KDSR: variants seen among roughly 807,000 people sequenced by gnomAD.
KDSR encodes the protein 3-ketodihydrosphingosine reductase, also known as 3-dehydrosphinganine reductase.
A neutral mutation model predicts 41.3 loss-of-function variants in KDSR; 23 were observed. The observed-to-expected ratio is 0.56, with a 90% CI of 0.40 to 0.79. The LOEUF (loss-of-function observed/expected upper bound fraction) is 0.79. KDSR is among the 30% of genes least tolerant of loss of function. KDSR has a pLI of 0.00. For missense variants in KDSR, 351 were observed against 416.8 expected, an observed-to-expected ratio of 0.84 and a Z score of 1.37; for synonymous variants, 138 against 151.7, an observed-to-expected ratio of 0.91 and a Z score of 0.66.
intron 6 of KDSR, among the ~76,000 whole-genome samples, chr18:63,347,763 T>G (rs1193042199): frequency 6.6e-6 from 1 of 152,018 alleles, no homozygotes; most frequent in African/African-American, 2.4e-5. Flanking sequence ...TACCACATCT[T>G]TAGCTATAAC....
chr18:63,338,707 A>G lies in KDSR; in HGVS notation c.777+93T>C, dbSNP rs140763153. ...TCTGACAGACTAAAAAATTCTAATA[A>G]TTGATGTTTTGAAGTAAGTCCTTGG... On this transcript the variant is annotated intron_variant, in intron 8 of 9. Coordinates refer to ENST00000645214, the MANE Select transcript of KDSR (RefSeq NM_002035.4). The G allele has an allele frequency of 5.5e-4, 459 of 834,668 alleles. 1 individual carries two copies. The African/African-American group carries it at 7.3e-3, about 13-fold the overall frequency. The allele number at this position is 834,668 out of a possible 1,614,324, so 51.7% of individuals were successfully genotyped here. A position where few individuals can be genotyped will look rare whatever the true frequency, so the allele number is the denominator to read the frequency against.
intron 7 of KDSR, among the ~76,000 whole-genome samples, chr18:63,343,604 G>C (rs901394711): frequency 1.3e-5 from 2 of 151,792 alleles, no homozygotes; most frequent in African/African-American, 2.4e-5. Flanking sequence ...GCCCAGGCTG[G>C]TCTTGAACTC....
intron 7 of KDSR, among the ~76,000 whole-genome samples, chr18:63,341,695 AG>A (rs1914343964): frequency 6.6e-6 from 1 of 152,204 alleles, no homozygotes; most frequent in Non-Finnish European, 1.5e-5. Flanking sequence ...CCATTAAATA[AG>A]GATAAAAAGG....
chr18:63,334,393 T>G (rs1914096057), intron 9 of KDSR, among the ~76,000 whole-genome samples: 1 of 150,200 alleles, frequency 6.7e-6, no homozygotes, highest in Admixed American at 6.7e-5. Flanking sequence ...CCTTGTAGCC[T>G]AGGCTGGAGT....
intron 8 of KDSR, among the ~76,000 whole-genome samples, chr18:63,337,654 A>C (rs933841003): frequency 6.6e-6 from 1 of 152,164 alleles, no homozygotes; most frequent in Non-Finnish European, 1.5e-5. Context: ...CTGGGCACGG[A>C]GCTCACGCCT....
chr18:63,337,271 A>G (rs1416730744), intron 8 of KDSR, among the ~76,000 whole-genome samples: 1 of 151,758 alleles, frequency 6.6e-6, no homozygotes, highest in Non-Finnish European at 1.5e-5. Context: ...GCATGTCACC[A>G]CACCCGACTA....
intron 6 of KDSR, chr18:63,346,486 C>T (rs1914505574): frequency 6.6e-6 from 1 of 152,238 alleles, no homozygotes. Flanking sequence ...CCTTCTCTCT[C>T]ATGGTAAAGA....
intron 5 of KDSR, among the ~76,000 whole-genome samples, chr18:63,354,060 G>A (rs112901048): frequency 2.0e-5 from 3 of 151,662 alleles, no homozygotes; most frequent in Non-Finnish European, 4.4e-5. Context: ...CTCTCCACAG[G>A]GTAGATCTGT....
At chr18:63,344,226 G>T in intron 7 of KDSR, 184 bp downstream of exon 7, 2 of 527,534 alleles carry the variant, frequency 3.8e-6, no homozygotes, top group Admixed American at 3.3e-5. Context: ...AATAAAGTGA[G>T]GGAAAAGAGG....
At position 63,337,113 on chromosome 18, in the gene KDSR, A is replaced by ATATATATAT. The variant is rs1555713254; in HGVS notation, c.777+1686_777+1687insATATATATA. On this transcript the variant is annotated intron_variant, in intron 8 of 9. Transcript: ENST00000645214. ...GTGACTTTATATATATATATATGTG[A>ATATATATAT]ATATATATATATATATATATATATG... is the stretch of plus-strand genomic sequence containing the variant. Among the ~76,000 whole-genome samples the ATATATATAT allele has an allele frequency of 3.3e-3, 418 of 127,650 alleles. 24 individuals carry two copies. The highest frequency in any genetic ancestry group is 3.9e-3 in the Non-Finnish European group (240 of 61,082). The allele number at this position is 127,650 out of a possible 152,430, so 83.7% of individuals were successfully genotyped here.
rs932358082 is a variant in KDSR, at chr18:63,358,960, C to A, written c.255+776G>T. On this transcript the variant is annotated intron_variant, in intron 3 of 9. Coordinates refer to ENST00000645214, the MANE Select transcript of KDSR (RefSeq NM_002035.4). ...TTGGGAGGCAGAGGTAGGCGGACTG[C>A]TTGAGCCCAGGAGTTGAAGACCAGC... 3.3e-5 allele frequency among the ~76,000 whole-genome samples: 5 copies of A among 151,498 alleles called. 1 individual carries two copies. Among genetic ancestry groups the A allele is most frequent in the Admixed American group, 6.6e-5 (1 of 15,222 alleles).
chr18:63,357,573 T>TACATAC lies in KDSR; in HGVS notation c.256-2011_256-2010insGTATGT, dbSNP rs200333119. 4.9e-4 allele frequency among the ~76,000 whole-genome samples: 62 copies of TACATAC among 126,338 alleles called. 1 individual carries two copies. The highest frequency in any genetic ancestry group is 1.7e-3 in the African/African-American group (59 of 34,272). 82.9% of individuals were successfully genotyped at this position (126,338 alleles called of 152,430 possible). A position where few individuals can be genotyped will look rare whatever the true frequency, so the allele number is the denominator to read the frequency against. ...ATATATACATACATACATACATACA[T>TACATAC]ATATATATATATATATATATATTTT... On this transcript the variant is annotated intron_variant, in intron 3 of 9. Coordinates refer to ENST00000645214, the MANE Select transcript of KDSR (RefSeq NM_002035.4).
chr18:63,356,474 C>A (rs1914799483), intron 3 of KDSR, among the ~76,000 whole-genome samples: 1 of 151,420 alleles, frequency 6.6e-6, no homozygotes, highest in African/African-American at 2.4e-5. Context: ...AGATCAGTTA[C>A]TAATAATAAA....
At chr18:63,358,741 A>C (rs1419197198) in intron 3 of KDSR, among the ~76,000 whole-genome samples, 1 of 134,970 alleles carries the variant, frequency 7.4e-6, no homozygotes, top group Non-Finnish European at 1.5e-5. Flanking sequence ...CTTGAACCCG[A>C]GAGGTGGAGG....
At chr18:63,347,922 A>G (rs1481299946) in intron 6 of KDSR, among the ~76,000 whole-genome samples, 3 of 152,152 alleles carry the variant, frequency 2.0e-5, no homozygotes, top group African/African-American at 7.2e-5. Context: ...CCAGGGTCCT[A>G]CCTTAGTTTG....
intron 6 of KDSR, among the ~76,000 whole-genome samples, chr18:63,348,133 A>G (rs1914565939): frequency 6.6e-6 from 1 of 151,998 alleles, no homozygotes; most frequent in South Asian, 2.1e-4. Flanking sequence ...TCTACAAAAA[A>G]TAAATAAATA....
chr18:63,367,004 C>T lies in KDSR; in HGVS notation c.108+7G>A. Reference sequence around the variant, plus strand: ...AAGTCGGGGGGCAGCAACAGGAGGCCACTCACCACCACATGCGCCCCGGGC... The same window carrying T: ...AAGTCGGGGGGCAGCAACAGGAGGCTACTCACCACCACATGCGCCCCGGGC... On this transcript the variant is annotated splice_region_variant and intron_variant, in intron 1 of 9. Transcript: ENST00000645214. The T allele has an allele frequency of 3.9e-6, 5 of 1,295,270 alleles. No individual in the cohort carries two copies. The highest frequency in any genetic ancestry group is 1.5e-5 in the African/African-American group (1 of 66,120). 80.2% of individuals were successfully genotyped at this position (1,295,270 alleles called of 1,614,324 possible).
rs1406486684 is a variant in KDSR at position 63,350,871 on chromosome 18, A to G, written c.609+17T>C. The G allele has an allele frequency of 1.3e-6, 2 of 1,583,924 alleles. No homozygotes were observed. Among genetic ancestry groups the G allele is most frequent in the Non-Finnish European group, 1.7e-6 (2 of 1,157,004 alleles). On this transcript the variant is annotated intron_variant, in intron 6 of 9. Coordinates refer to ENST00000645214, the MANE Select transcript of KDSR (RefSeq NM_002035.4). ...TGAGCGGAGAGGAATAAATACAAAA[A>G]TGAATACAACTTTTACCTCCATCTG...
rs1914643084 is a variant in KDSR at position 63,350,912 on chromosome 18, T to C, written c.585A>G (p.Gly195=). The C allele has an allele frequency of 8.7e-6, 14 of 1,612,840 alleles. No individual in the cohort carries two copies. Among genetic ancestry groups the C allele is most frequent in the Non-Finnish European group, 1.2e-5 (14 of 1,179,464 alleles). Residue 195 remains glycine, a synonymous_variant, in exon 6 of 10, where the codon GGA becomes GGG. Coordinates refer to ENST00000645214, the MANE Select transcript of KDSR (RefSeq NM_002035.4). Reference sequence around the variant, plus strand: ...CCTCCATCTGCAAAGCTTCTGCCAATCCCCTTATGGCAAACTTGGATGCAG... The same window carrying C: ...CCTCCATCTGCAAAGCTTCTGCCAACCCCCTTATGGCAAACTTGGATGCAG... ...AYSASKFAIR[G]LAEALQMEVK...
Sources: gnomAD v4.1 joint callset for allele counts (sites outside exome capture counted in the v4.1 genomes callset) on GRCh38, gnomAD v4.1.1 for gene constraint, MANE v1.5 for transcripts, NCBI Gene and HGNC (gene_info 2026-07-23, HGNC 2026-07-21) for gene names.